The following CALN1 variants were observed in gnomAD, a reference collection of about 807,000 sequenced individuals.
CALN1 encodes calcium-binding protein 8.
In CALN1, 17 loss-of-function variants were observed where a neutral mutation model predicts 30.6. The observed-to-expected ratio is 0.56, with a 90% CI of 0.38 to 0.83. The LOEUF (loss-of-function observed/expected upper bound fraction) is 0.83, where lower values mean the gene tolerates loss of function less well. Ranked by LOEUF, CALN1 falls within the 40% of genes least tolerant of loss-of-function variation. The pLI is 0.00. For synonymous variants in CALN1, 156 were observed against 131.4 expected (o/e 1.19, Z -1.28); for missense variants, 291 against 354.9 (o/e 0.82, Z 1.45).
intron 3 of CALN1, among the ~76,000 whole-genome samples, chr7:72,186,838 G>C (rs1248328080): frequency 6.9e-6 from 1 of 145,582 alleles, no homozygotes; most frequent in Non-Finnish European, 1.5e-5. Context: ...TTAATTCTCT[G>C]ACTTTGCTAT....
intron 3 of CALN1, among the ~76,000 whole-genome samples, chr7:72,206,100 C>T (rs551348788): frequency 6.6e-6 from 1 of 152,136 alleles, no homozygotes; most frequent in African/African-American, 2.4e-5. Flanking sequence ...GGCTCACTCA[C>T]CATTTTGTTT....
chr7:72,269,642 A>C (rs983853186), intron 3 of CALN1, among the ~76,000 whole-genome samples: 1 of 152,188 alleles, frequency 6.6e-6, no homozygotes, highest in African/African-American at 2.4e-5. Context: ...CCCCCAACAG[A>C]GCGTAAAAAC....
intron 5 of CALN1, among the ~76,000 whole-genome samples, chr7:72,004,743 T>C (rs1347285534): frequency 6.6e-6 from 1 of 151,590 alleles, no homozygotes; most frequent in Non-Finnish European, 1.5e-5. Context: ...GCAAACAACA[T>C]ATCTGGCCAA....
At chr7:72,284,693 TG>T (rs1409188614) in intron 2 of CALN1, among the ~76,000 whole-genome samples, 4 of 152,226 alleles carry the variant, frequency 2.6e-5, no homozygotes, top group Admixed American at 6.5e-5. Flanking sequence ...CAAACCAGAC[TG>T]GAACTATACC....
At chr7:71,834,956 C>A (rs999691888) in intron 5 of CALN1, among the ~76,000 whole-genome samples, 1 of 152,084 alleles carries the variant, frequency 6.6e-6, no homozygotes, top group Non-Finnish European at 1.5e-5. Context: ...CTCAGCCTTT[C>A]GAGTAGTTGG....
At chr7:72,439,857 G>A (rs111427836) in intron 1 of CALN1, among the ~76,000 whole-genome samples, 11 of 152,122 alleles carry the variant, frequency 7.2e-5, no homozygotes, top group African/African-American at 1.7e-4. Context: ...GATTACAGGC[G>A]TGAGCCACTG....
rs1427686633 is a variant in CALN1, at chr7:72,411,020, T to G, written c.-74+1038A>C. On this transcript the variant is annotated intron_variant, in intron 1 of 6. Transcript: ENST00000395275. ...CCCAAAGAATTCATGAAAAAACGATTACAAATAATAGGTGAATTTAGTAAA... is the reference window on the plus strand; with the variant it reads ...CCCAAAGAATTCATGAAAAAACGATGACAAATAATAGGTGAATTTAGTAAA... 2.6e-5 allele frequency among the ~76,000 whole-genome samples: 4 copies of G among 152,144 alleles called. No individual in the cohort carries two copies. In the East Asian group the frequency reaches 7.7e-4, roughly 29 times the overall value.
chr7:72,153,972 G>A (rs1367185536), intron 3 of CALN1, among the ~76,000 whole-genome samples: 1 of 152,090 alleles, frequency 6.6e-6, no homozygotes. Context: ...TTCGCATTTC[G>A]GGGCAGTGGA....
chr7:72,275,924 C>T (rs1232283364), intron 3 of CALN1, among the ~76,000 whole-genome samples: 1 of 152,122 alleles, frequency 6.6e-6, no homozygotes, highest in Non-Finnish European at 1.5e-5. Context: ...GCCATGCACC[C>T]CCACAGTAGC....
chr7:71,834,865 T>C (rs1468387234), intron 5 of CALN1, among the ~76,000 whole-genome samples: 1 of 152,212 alleles, frequency 6.6e-6, no homozygotes, highest in African/African-American at 2.4e-5. Context: ...AGCGTCTTAC[T>C]CTGTCACCCA....
At chr7:72,179,243 G>A (rs983086252) in intron 3 of CALN1, among the ~76,000 whole-genome samples, 3 of 152,206 alleles carry the variant, frequency 2.0e-5, no homozygotes, top group Non-Finnish European at 4.4e-5. Context: ...ACAGCTCTGA[G>A]AGGCTAAATA....
chr7:72,475,731 A>G, the CALN1 span, among the ~76,000 whole-genome samples: 4 of 152,192 alleles, frequency 2.6e-5, no homozygotes, highest in South Asian at 8.3e-4. Flanking sequence ...AATATTAGGG[A>G]TGTTGTAGAA....
intron 6 of CALN1, among the ~76,000 whole-genome samples, chr7:71,808,172 A>G (rs1787731384): frequency 1.3e-5 from 2 of 152,048 alleles, no homozygotes; most frequent in Non-Finnish European, 2.9e-5. Flanking sequence ...CATAATTATT[A>G]CCATAATTAT....
rs1554328043 is a variant in CALN1 at position 72,221,897 on chromosome 7, AAG to A, written c.244+56787_244+56788del. Among the ~76,000 whole-genome samples, 66 of 151,312 alleles carry A rather than the reference AAG, an allele frequency of 4.4e-4. No homozygotes were observed. In the South Asian group the frequency reaches 5.5e-3, roughly 13 times the overall value. ...GAGAGAGACTCCATCTCAAAAAAAAAAGAAGAAATACCTGAGACTGGGTAACC... is the reference window on the plus strand; with the variant it reads ...GAGAGAGACTCCATCTCAAAAAAAAAAAGAAATACCTGAGACTGGGTAACC... On this transcript the variant is annotated intron_variant, in intron 3 of 6. Coordinates refer to ENST00000395275, the MANE Select transcript of CALN1 (RefSeq NM_031468.4).
At chr7:71,817,718 G>A (rs1022418880) in intron 5 of CALN1, among the ~76,000 whole-genome samples, 2 of 152,044 alleles carry the variant, frequency 1.3e-5, no homozygotes, top group Non-Finnish European at 2.9e-5. Flanking sequence ...GTTTCACCAT[G>A]TTGGCCAGGA....
intron 2 of CALN1, among the ~76,000 whole-genome samples, chr7:72,326,275 G>C (rs1452729737): frequency 6.6e-6 from 1 of 152,148 alleles, no homozygotes; most frequent in Non-Finnish European, 1.5e-5. Flanking sequence ...GCTTGTCTTG[G>C]ATAGGCACAG....
chr7:72,216,411 CT>C (rs35820107), intron 3 of CALN1, among the ~76,000 whole-genome samples: 104,293 of 150,516 alleles, frequency 0.69, 36,695 homozygotes, highest in East Asian at 1. Context: ...GACCCTATGT[CT>C]TTAAAAAAAA....
chr7:72,350,718 A>G (rs1395409878), intron 2 of CALN1, among the ~76,000 whole-genome samples: 1 of 152,148 alleles, frequency 6.6e-6, no homozygotes, highest in Non-Finnish European at 1.5e-5. Flanking sequence ...TGTACACTAA[A>G]TCCTTGCAAG....
At chr7:72,211,838 A>G (rs917164987) in intron 3 of CALN1, among the ~76,000 whole-genome samples, 1 of 152,134 alleles carries the variant, frequency 6.6e-6, no homozygotes. Context: ...CAGTTTCTAC[A>G]TCTCTCAAAT....
Sources: gnomAD v4.1 joint callset for allele counts (sites outside exome capture counted in the v4.1 genomes callset) on GRCh38, gnomAD v4.1.1 for gene constraint, MANE v1.5 for transcripts, NCBI Gene and HGNC (gene_info 2026-07-23, HGNC 2026-07-21) for gene names.